The following YARS1 variants were observed in gnomAD, a reference collection of about 807,000 sequenced individuals.
YARS1 encodes tyrosyl-tRNA synthetase 1.
A neutral mutation model predicts 62.2 loss-of-function variants in YARS1; 36 were observed. That is an observed-to-expected ratio of 0.58 (90% CI 0.44 to 0.76). The LOEUF (loss-of-function observed/expected upper bound fraction) is 0.76, where lower values mean the gene tolerates loss of function less well. Ranked by LOEUF, YARS1 falls within the 30% of genes least tolerant of loss-of-function variation. The pLI is 0.00. For missense variants in YARS1, 524 were observed against 639.8 expected, an observed-to-expected ratio of 0.82 and a Z score of 1.95; for synonymous variants, 234 against 244.9, an observed-to-expected ratio of 0.96 and a Z score of 0.42.
chr1:32,782,602 CA>C (rs1653097301), intron 8 of YARS1, 63 bp from the exon 9 acceptor site: 15 of 1,603,376 alleles, frequency 9.4e-6, no homozygotes, highest in African/African-American at 1.3e-5. Context: ...CACCTGAATC[CA>C]AAAAAGTAGG....
intron 12 of YARS1, 144 bp downstream of exon 12, chr1:32,779,238 A>C (rs1652976198): frequency 7.3e-7 from 1 of 1,373,664 alleles, no homozygotes; most frequent in African/African-American, 1.4e-5. Context: ...TGAATTCAAA[A>C]AGGTCTGGAA....
rs190983150 is a variant in YARS1 at position 32,798,031 on chromosome 1, C to T, written c.511-188G>A. The T allele has an allele frequency of 4.2e-4, 236 of 560,658 alleles. No homozygotes were observed. The Admixed American group carries it at 5.7e-3, about 14-fold the overall frequency. The allele number at this position is 560,658 out of a possible 1,614,324, so 34.7% of individuals were successfully genotyped here. On this transcript the variant is annotated intron_variant, in intron 4 of 12. Coordinates refer to ENST00000373477, the MANE Select transcript of YARS1 (RefSeq NM_003680.4). Reference sequence around the variant, plus strand: ...GATTACAGACATGCACCACCACGCCCGGCTAATTTTTTGTATTTTTAGTAG... The same window carrying T: ...GATTACAGACATGCACCACCACGCCTGGCTAATTTTTTGTATTTTTAGTAG...
chr1:32,811,484 G>A (rs1395969903), intron 1 of YARS1: 7 of 296,360 alleles, frequency 2.4e-5, no homozygotes, highest in South Asian at 1.7e-4. Context: ...CAAAGCCTCC[G>A]CGTCTATCAC....
At chr1:32,787,109 G>A (rs1201994638) in intron 6 of YARS1, 34 bp from the exon 7 acceptor site, 28 of 1,613,400 alleles carry the variant, frequency 1.7e-5, no homozygotes, top group Non-Finnish European at 2.4e-5. Flanking sequence ...GACCTCTTGT[G>A]GTTGAAAATG....
intron 4 of YARS1, among the ~76,000 whole-genome samples, chr1:32,803,488 T>G (rs1372786216): frequency 6.6e-6 from 1 of 152,132 alleles, no homozygotes; most frequent in African/African-American, 2.4e-5. Flanking sequence ...GAGCATTGGC[T>G]TCAACTTCAA....
At chr1:32,782,729 G>A in intron 8 of YARS1, 190 bp from the exon 9 acceptor site, 1 of 703,800 alleles carries the variant, frequency 1.4e-6, no homozygotes, top group Non-Finnish European at 2.3e-6. Context: ...CAAGTCTTTT[G>A]ATTCTGAAAT....
At chr1:32,804,536 G>C (rs1250796283) in intron 4 of YARS1, among the ~76,000 whole-genome samples, 1 of 149,592 alleles carries the variant, frequency 6.7e-6, no homozygotes, top group East Asian at 2.0e-4. Context: ...GGGCAAAGAC[G>C]CTCCTCACCT....
In YARS1 at chr1:32,786,441, A is replaced by T. The variant is rs1395864629; in HGVS notation, c.827T>A (p.Val276Glu). 5.0e-6 allele frequency: 8 copies of T among 1,613,588 alleles called. No homozygotes were observed. The highest frequency in any genetic ancestry group is 5.9e-6 in the Non-Finnish European group (7 of 1,179,822). ...HVLFPLKSEFVILRDEKWGGN... is the reference protein window; with the variant it reads ...HVLFPLKSEFEILRDEKWGGN... ...ACCCCATTTCTCATCTCGTAGGATC[A>T]CAAACTCTATAAGGAAAAGGATCCA... The change falls in exon 8 of 13, where the codon GTG becomes GAG. Residue 276 changes from valine to glutamate, a missense_variant. Val to Glu is a moderately radical substitution (Grantham distance 121). Coordinates refer to ENST00000373477, the MANE Select transcript of YARS1 (RefSeq NM_003680.4).
rs746225860 is a variant in YARS1 at position 32,797,872 on chromosome 1, A to G, written c.511-29T>C. The G allele has an allele frequency of 2.5e-6, 4 of 1,588,530 alleles. No individual in the cohort carries two copies. The African/African-American group carries it at 4.0e-5, about 16-fold the overall frequency. ...TGGAAAGAAACACATGAACATAAAC[A>G]TCTACTTTATTTTTTTGAGACAGAG... On this transcript the variant is annotated intron_variant, in intron 4 of 12. Coordinates refer to ENST00000373477, the MANE Select transcript of YARS1 (RefSeq NM_003680.4).
chr1:32,805,862 C>T (rs1326842644), intron 4 of YARS1, among the ~76,000 whole-genome samples: 1 of 152,124 alleles, frequency 6.6e-6, no homozygotes, highest in Non-Finnish European at 1.5e-5. Context: ...ACTCGGGAGG[C>T]TGAGGCAGAG....
At chr1:32,796,120 C>A (rs1205527361) in intron 5 of YARS1, among the ~76,000 whole-genome samples, 2 of 151,830 alleles carry the variant, frequency 1.3e-5, no homozygotes, top group Admixed American at 6.6e-5. Flanking sequence ...TAGTGAAACT[C>A]CGTCTCTACT....
At chr1:32,791,040 TA>T in intron 6 of YARS1, 121 bp downstream of exon 6, 1 of 926,680 alleles carries the variant, frequency 1.1e-6, no homozygotes, top group Non-Finnish European at 1.8e-6. Context: ...TTGAATGGTG[TA>T]AGGCTCCTTC....
At chr1:32,781,209 A>G (rs1360989585) in intron 9 of YARS1, 64 bp from the exon 10 acceptor site, 1 of 1,302,042 alleles carries the variant, frequency 7.7e-7, no homozygotes, top group South Asian at 1.2e-5. Flanking sequence ...TGCTGATCCC[A>G]CCACGTTAAG....
chr1:32,785,581 C>T (rs1270740508), intron 8 of YARS1, among the ~76,000 whole-genome samples: 1 of 151,542 alleles, frequency 6.6e-6, no homozygotes. Context: ...CTTTTCTTTT[C>T]CTTTCTTTTT....
chr1:32,802,853 C>G (rs1387171585), intron 4 of YARS1, among the ~76,000 whole-genome samples: 1 of 152,106 alleles, frequency 6.6e-6, no homozygotes, highest in Non-Finnish European at 1.5e-5. Flanking sequence ...CACTCTGTTA[C>G]CCAGGCTGGA....
chr1:32,775,672 CTG>C lies in YARS1; in HGVS notation c.*307_*308del, dbSNP rs372462149. 1.3e-3 allele frequency: 554 copies of C among 410,384 alleles called. 3 individuals are homozygous for C. The highest frequency in any genetic ancestry group is 1.9e-3 in the Non-Finnish European group (427 of 222,424). The allele number at this position is 410,384 out of a possible 1,614,324, so 25.4% of individuals were successfully genotyped here. A position where few individuals can be genotyped will look rare whatever the true frequency, so the allele number is the denominator to read the frequency against. On this transcript the variant is annotated 3_prime_UTR_variant, in exon 13 of 13. Coordinates refer to ENST00000373477, the MANE Select transcript of YARS1 (RefSeq NM_003680.4). ...ACCAGTATTTTTCCAATTATAAGGA[CTG>C]TGGCATAAATTTTTAAATGAGTTAT... is the stretch of plus-strand genomic sequence containing the variant.
chr1:32,803,078 G>A (rs1638343689), intron 4 of YARS1, among the ~76,000 whole-genome samples: 1 of 150,478 alleles, frequency 6.6e-6, no homozygotes, highest in Non-Finnish European at 1.5e-5. Flanking sequence ...CACCTCCCGG[G>A]TTCAAGCGAC....
chr1:32,786,952 G>C lies in YARS1; in HGVS notation c.808C>G (p.Pro270Ala), dbSNP rs747747759. ...CAGAGAGTGTTACCGGACTTAAGGG[G>C]AAAAAGGACATGCTTGATGAAGGAC... ...VLSFIKHVLF[P>A]LKSEFVILRD... is the part of the protein sequence containing the mutation. The change falls in exon 7 of 13, where the codon CCC becomes GCC. Residue 270 changes from proline to alanine, a missense_variant. Physicochemically the swap from Pro to Ala is conservative, Grantham distance 27. Transcript: ENST00000373477. The C allele has an allele frequency of 2.5e-6, 4 of 1,614,086 alleles. No individual in the cohort carries two copies. Among genetic ancestry groups the C allele is most frequent in the Non-Finnish European group, 3.4e-6 (4 of 1,180,008 alleles).
At chr1:32,797,940 G>A (rs1248979895) in intron 4 of YARS1, 97 bp from the exon 5 acceptor site, 21 of 1,004,866 alleles carry the variant, frequency 2.1e-5, no homozygotes, top group Admixed American at 7.7e-5. Flanking sequence ...GCGTGATCTC[G>A]GCTCACTGCC....
Sources: allele counts gnomAD v4.1 joint callset (sites outside exome capture counted in the v4.1 genomes callset), GRCh38; gene constraint gnomAD v4.1.1; transcripts MANE v1.5; gene names NCBI Gene and HGNC (gene_info 2026-07-23, HGNC 2026-07-21).